The following NPHP4 variants were observed in gnomAD, a reference collection of about 807,000 sequenced individuals.
NPHP4 encodes nephrocystin 4.
In NPHP4, 151 loss-of-function variants were observed where a neutral mutation model predicts 155.8. That is an observed-to-expected ratio of 0.97 (90% CI 0.85 to 1.11). NPHP4 has a LOEUF of 1.11. Ranked by LOEUF, NPHP4 falls within the 50% of genes least tolerant of loss-of-function variation. NPHP4 has a pLI of 0.00. For synonymous variants in NPHP4, 845 were observed against 816.8 expected (o/e 1.03, Z -0.59); for missense variants, 1,956 against 1,925.7 (o/e 1.02, Z -0.29).
rs752385986 is a variant in NPHP4, at chr1:5,961,864, AAGGTGGAACGC to A, written c.592_602del (p.Ala198SerfsTer3). On this transcript the variant is annotated frameshift_variant, in exon 6 of 30. Transcript: ENST00000378156. LOFTEE classifies it high-confidence loss of function. ...CAGACACCAGAAGGTTCTCAGGAAGAAGGTGGAACGCAGGCTCCAGGGCCGGGTGTGGCTTC... is the reference window on the plus strand; with the variant it reads ...CAGACACCAGAAGGTTCTCAGGAAGAAGGCTCCAGGGCCGGGTGTGGCTTC... 1 of 1,613,874 alleles carries A rather than the reference AAGGTGGAACGC, an allele frequency of 6.2e-7. No individual in the cohort carries two copies. Among genetic ancestry groups the A allele is most frequent in the Non-Finnish European group, 8.5e-7 (1 of 1,179,804 alleles).
At position 5,867,846 on chromosome 1, in the gene NPHP4, A is replaced by G. The variant is rs768531427; in HGVS notation, c.3366T>C (p.Thr1122=). The G allele has an allele frequency of 8.1e-6, 13 of 1,613,720 alleles. No homozygotes were observed. The highest frequency in any genetic ancestry group is 1.1e-5 in the South Asian group (1 of 91,096). Residue 1122 remains threonine, a synonymous_variant, in exon 24 of 30, where the codon ACT becomes ACC. Transcript: ENST00000378156. This position sits in a 1 kb window ranked among gnomAD's most constrained non-coding sequence, Gnocchi z 4.1. The part of the protein sequence containing the change: ...GGKPIAVLCL[T]VELQPHVVDQ... Reference sequence around the variant, plus strand: ...CCACCACGTGGGGCTGCAGCTCCACAGTCAGGCAGAGCACGGCGATGGGCT... The same window carrying G: ...CCACCACGTGGGGCTGCAGCTCCACGGTCAGGCAGAGCACGGCGATGGGCT...
At chr1:5,917,017 G>A (rs1645507739) in intron 11 of NPHP4, among the ~76,000 whole-genome samples, 1 of 152,244 alleles carries the variant, frequency 6.6e-6, no homozygotes, top group Non-Finnish European at 1.5e-5. Flanking sequence ...AAGCGGCAGT[G>A]GCAGGGAAAG....
intron 2 of NPHP4, among the ~76,000 whole-genome samples, chr1:5,984,114 C>T (rs145689272): frequency 0.015 from 2,353 of 152,272 alleles, 29 homozygotes; most frequent in Middle Eastern, 0.051. Context: ...TCATCAATCA[C>T]GGCCTCACTC....
chr1:5,876,245 G>C (rs1484472296), intron 20 of NPHP4: 1 of 148,386 alleles, frequency 6.7e-6, no homozygotes, highest in Non-Finnish European at 1.5e-5. Flanking sequence ...GGAAGGGAGG[G>C]AGGGAGGTGG....
chr1:5,914,913 T>C (rs988606648), intron 11 of NPHP4, among the ~76,000 whole-genome samples: 10 of 152,088 alleles, frequency 6.6e-5, no homozygotes, highest in African/African-American at 2.4e-4. Context: ...AGGTGCCAGG[T>C]AGACCTCCCC....
chr1:5,955,368 A>G (rs1420899149), intron 6 of NPHP4, among the ~76,000 whole-genome samples: 1 of 152,272 alleles, frequency 6.6e-6, no homozygotes, highest in African/African-American at 2.4e-5. Context: ...TAATTCAGCA[A>G]TCCTACTACT....
chr1:5,952,496 A>G (rs1421851187), intron 7 of NPHP4, among the ~76,000 whole-genome samples: 1 of 152,080 alleles, frequency 6.6e-6, no homozygotes, highest in South Asian at 2.1e-4. Flanking sequence ...AGGGGAAAAG[A>G]CAGAACTACA....
At chr1:5,942,743 G>A (rs1566724) in intron 9 of NPHP4, among the ~76,000 whole-genome samples, 97,340 of 151,810 alleles carry the variant, frequency 0.64, 31,147 homozygotes, top group East Asian at 0.76. Context: ...CCTGGAACAT[G>A]GGCCATTGAT....
chr1:5,987,826 T>C (rs531442690), intron 1 of NPHP4, among the ~76,000 whole-genome samples: 1 of 152,318 alleles, frequency 6.6e-6, no homozygotes, highest in South Asian at 2.1e-4. Flanking sequence ...CATGGGTACT[T>C]GGCAGACATC....
chr1:5,983,077 C>T lies in NPHP4; in HGVS notation c.135+3078G>A, dbSNP rs146042177. The stretch of plus-strand genomic sequence containing the variant: ...TGTACTCTAGCTTTCTTGGGAGTAG[C>T]GTTAAGAGATGACAAGGTGATTGAC... On this transcript the variant is annotated intron_variant, in intron 2 of 29. Transcript: ENST00000378156. Among the ~76,000 whole-genome samples the T allele has an allele frequency of 5.4e-3, 825 of 152,142 alleles. 9 individuals carry two copies. Among genetic ancestry groups the T allele is most frequent in the African/African-American group, 0.018 (749 of 41,484 alleles).
chr1:5,926,732 C>G (rs1646024646), intron 11 of NPHP4, among the ~76,000 whole-genome samples: 1 of 152,218 alleles, frequency 6.6e-6, no homozygotes, highest in African/African-American at 2.4e-5. Flanking sequence ...AGCTTTGTAG[C>G]AGGACTTGGG....
At position 5,867,760 on chromosome 1, in the gene NPHP4, G is replaced by C; in HGVS notation, c.3452C>G (p.Pro1151Arg). 6.2e-7 allele frequency: 1 copy of C among 1,610,930 alleles called. No individual in the cohort carries two copies. The highest frequency in any genetic ancestry group is 1.7e-4 in the Middle Eastern group (1 of 6,056). The change falls in exon 24 of 30, where the codon CCG becomes CGG. Residue 1151 changes from proline (P) to arginine (R), a missense_variant. Transcript: ENST00000378156. The surrounding 1 kb of genome is among the most constrained non-coding windows in gnomAD (Gnocchi z 4.1). ...CCTGCCTGGAAATGTGTGCCAGGGC[G>C]GCAGGCGGATGGCCTTCTTCAGGAA... The part of the protein sequence containing the change: ...LSFLKKAIRL[P>R]PWHTFPGAPV...
intron 9 of NPHP4, among the ~76,000 whole-genome samples, chr1:5,939,329 AACTT>A (rs1646704969): frequency 6.6e-6 from 1 of 152,266 alleles, no homozygotes; most frequent in Non-Finnish European, 1.5e-5. Flanking sequence ...AACAAGCATC[AACTT>A]GACAATGACT....
chr1:5,961,222 C>T (rs1053947406), intron 6 of NPHP4, among the ~76,000 whole-genome samples: 11 of 152,052 alleles, frequency 7.2e-5, no homozygotes, highest in Non-Finnish European at 8.8e-5. Context: ...AGACAGAAAG[C>T]GGAAGGGTGG....
chr1:5,897,461 A>G (rs1183320996), intron 16 of NPHP4, among the ~76,000 whole-genome samples: 1 of 152,242 alleles, frequency 6.6e-6, no homozygotes, highest in Non-Finnish European at 1.5e-5. Flanking sequence ...TGTGAAGCAC[A>G]CAGCACTGAC....
intron 9 of NPHP4, among the ~76,000 whole-genome samples, chr1:5,945,172 T>C (rs927013600): frequency 6.6e-6 from 1 of 152,158 alleles, no homozygotes; most frequent in African/African-American, 2.4e-5. Context: ...TAGAAGACAC[T>C]GAGAGTGAGG....
intron 19 of NPHP4, among the ~76,000 whole-genome samples, chr1:5,878,887 G>A (rs1177787844): frequency 6.6e-6 from 1 of 152,162 alleles, no homozygotes; most frequent in East Asian, 1.9e-4. Context: ...GAGGATGAAG[G>A]GCACTGACCC....
chr1:5,964,941 A>ATATTTTTTTTTTTTTT, intron 5 of NPHP4, among the ~76,000 whole-genome samples: 18 of 59,418 alleles, frequency 3.0e-4, no homozygotes, highest in African/African-American at 7.6e-4. Context: ...ATATATATAT[A>ATATTTTTTTTTTTTTT]TTTTTTTTTT....
intron 9 of NPHP4, among the ~76,000 whole-genome samples, chr1:5,933,892 G>A (rs1012101433): frequency 1.3e-5 from 2 of 152,134 alleles, no homozygotes; most frequent in Non-Finnish European, 2.9e-5. Flanking sequence ...GAAATCGATC[G>A]GGTCAAATTC....
Sources: allele counts gnomAD v4.1 joint callset (sites outside exome capture counted in the v4.1 genomes callset), GRCh38; gene constraint gnomAD v4.1.1; non-coding constraint Gnocchi (gnomAD v3.1); transcripts MANE v1.5; gene names NCBI Gene and HGNC (gene_info 2026-07-23, HGNC 2026-07-21).